LDLRAD4: variants seen among roughly 807,000 people sequenced by gnomAD.
The protein encoded by LDLRAD4 is low-density lipoprotein receptor class A domain-containing protein 4.
LDLRAD4 carries 5 observed loss-of-function variants against 17.0 expected under a neutral mutation model. The ratio of observed to expected loss-of-function variants is 0.29; its 90% confidence interval spans 0.15 to 0.62. LDLRAD4 has a LOEUF of 0.62. Ranked by LOEUF, LDLRAD4 falls within the 20% of genes least tolerant of loss-of-function variation. The pLI, the probability that LDLRAD4 is intolerant of heterozygous loss-of-function variation, is 0.84. For missense variants in LDLRAD4, 340 were observed against 424.7 expected (o/e 0.80, Z 1.75); for synonymous variants, 168 against 171.8 (o/e 0.98, Z 0.17).
chr18:13,246,513 C>T (rs925559146), intron 1 of LDLRAD4, among the ~76,000 whole-genome samples: 3 of 152,238 alleles, frequency 2.0e-5, no homozygotes, highest in African/African-American at 7.2e-5. Context: ...GCTGGCCCTC[C>T]AGCTATTGAT....
intron 3 of LDLRAD4, among the ~76,000 whole-genome samples, chr18:13,485,736 A>G (rs1012916466): frequency 6.6e-6 from 1 of 152,208 alleles, no homozygotes; most frequent in Non-Finnish European, 1.5e-5. Flanking sequence ...ACCCAGGCCT[A>G]GGAGCGGTGG....
chr18:13,272,187 C>G (rs2044596982), intron 1 of LDLRAD4, among the ~76,000 whole-genome samples: 1 of 152,198 alleles, frequency 6.6e-6, no homozygotes, highest in Admixed American at 6.5e-5. Context: ...AGCCACCACA[C>G]CTGGCCCTCA....
chr18:13,338,980 A>G (rs2082239933), intron 1 of LDLRAD4, among the ~76,000 whole-genome samples: 1 of 152,088 alleles, frequency 6.6e-6, no homozygotes, highest in South Asian at 2.1e-4. Flanking sequence ...AATGTTATGT[A>G]TTTTTGTTTA....
At chr18:13,351,345 T>A (rs1365176314) in intron 1 of LDLRAD4, among the ~76,000 whole-genome samples, 1 of 152,186 alleles carries the variant, frequency 6.6e-6, no homozygotes, top group Non-Finnish European at 1.5e-5. Flanking sequence ...GTCCTTCACA[T>A]CCCTTGTTAG....
At chr18:13,439,656 C>T (rs2090900971) in intron 3 of LDLRAD4, among the ~76,000 whole-genome samples, 1 of 152,196 alleles carries the variant, frequency 6.6e-6, no homozygotes, top group Admixed American at 6.5e-5. Flanking sequence ...TCCCCCAAGG[C>T]CCAGGATGGC....
At chr18:13,638,984 C>T (rs1255760378) in intron 4 of LDLRAD4, among the ~76,000 whole-genome samples, 1 of 152,204 alleles carries the variant, frequency 6.6e-6, no homozygotes, top group Non-Finnish European at 1.5e-5. Flanking sequence ...TGAATGGCTG[C>T]CTCCCTTTTG....
At chr18:13,495,085 T>G (rs2093440004) in intron 3 of LDLRAD4, among the ~76,000 whole-genome samples, 1 of 152,132 alleles carries the variant, frequency 6.6e-6, no homozygotes, top group Admixed American at 6.5e-5. Flanking sequence ...AATCATTGTC[T>G]GAGAAAATGA....
At chr18:13,381,914 G>C (rs1230089636) in intron 1 of LDLRAD4, among the ~76,000 whole-genome samples, 1 of 152,136 alleles carries the variant, frequency 6.6e-6, no homozygotes, top group Admixed American at 6.5e-5. Flanking sequence ...GCCCCAGTTT[G>C]CCGAGGTTTA....
Position 13,443,569 on chromosome 18 carries a change from G to A in LDLRAD4, c.181+5185G>A, listed in dbSNP as rs77437879. Among the ~76,000 whole-genome samples, 1,174 of 152,248 alleles carry A rather than the reference G, an allele frequency of 7.7e-3. 6 individuals carry two copies. Among genetic ancestry groups the A allele is most frequent in the Middle Eastern group, 0.037 (11 of 294 alleles). On this transcript the variant is annotated intron_variant, in intron 3 of 5. Coordinates refer to ENST00000359446, the Ensembl canonical transcript of LDLRAD4. ...ATAAACATGTGTTTCGGTTTGTTCT[G>A]TTTATCATTTGTTTGCACCAGGATC...
chr18:13,558,592 G>A (rs562700071), intron 3 of LDLRAD4, among the ~76,000 whole-genome samples: 2 of 152,322 alleles, frequency 1.3e-5, no homozygotes, highest in South Asian at 2.1e-4. Context: ...TAGTAGGATC[G>A]GCACATGTAT....
chr18:13,285,177 A>C (rs1429208314), intron 1 of LDLRAD4, among the ~76,000 whole-genome samples: 1 of 152,220 alleles, frequency 6.6e-6, no homozygotes, highest in Non-Finnish European at 1.5e-5. Context: ...CAGTGTTTGT[A>C]AGCCCCAGGG....
At chr18:13,602,285 C>A (rs1224459584) in intron 3 of LDLRAD4, among the ~76,000 whole-genome samples, 1 of 152,072 alleles carries the variant, frequency 6.6e-6, no homozygotes, top group East Asian at 1.9e-4. Flanking sequence ...TGTATCAAAC[C>A]TGCACATGTA....
At chr18:13,636,159 G>A (rs1385592601) in intron 4 of LDLRAD4, among the ~76,000 whole-genome samples, 6 of 152,120 alleles carry the variant, frequency 3.9e-5, no homozygotes, top group Non-Finnish European at 8.8e-5. Context: ...ATGACAAACA[G>A]CAAGGCCCAG....
chr18:13,264,589 G>A (rs971323828), intron 1 of LDLRAD4, among the ~76,000 whole-genome samples: 3 of 152,214 alleles, frequency 2.0e-5, no homozygotes, highest in Non-Finnish European at 4.4e-5. Flanking sequence ...CCTGTTTTTC[G>A]GAGTAGATGT....
chr18:13,568,115 C>T (rs866260947), intron 3 of LDLRAD4, among the ~76,000 whole-genome samples: 4 of 152,068 alleles, frequency 2.6e-5, no homozygotes, highest in South Asian at 2.1e-4. Context: ...GCCAACATGG[C>T]GAAACCTGTC....
At chr18:13,575,503 A>C (rs2094756230) in intron 3 of LDLRAD4, among the ~76,000 whole-genome samples, 1 of 152,212 alleles carries the variant, frequency 6.6e-6, no homozygotes. Context: ...ATATCTTTGC[A>C]GCTGTGAATT....
At chr18:13,615,032 G>C (rs944614711) in intron 3 of LDLRAD4, 4 of 152,502 alleles carry the variant, frequency 2.6e-5, no homozygotes, top group African/African-American at 9.7e-5. Context: ...TGGAGGTAAG[G>C]CTCTGCGGTC....
At chr18:13,229,119 G>A (rs1032116876) in intron 1 of LDLRAD4, among the ~76,000 whole-genome samples, 2 of 152,234 alleles carry the variant, frequency 1.3e-5, no homozygotes, top group African/African-American at 4.8e-5. Flanking sequence ...CACCGAGGAG[G>A]CAGCGTCCAG....
exon 2 of LDLRAD4, chr18:13,387,399 C>T (rs1002248662): frequency 1.1e-5 from 3 of 285,192 alleles, no homozygotes; most frequent in South Asian, 5.6e-5. Context: ...CGTGCAGGTG[C>T]GACCCTGCAG....
Sources: allele counts gnomAD v4.1 joint callset (sites outside exome capture counted in the v4.1 genomes callset), GRCh38; gene constraint gnomAD v4.1.1; transcripts MANE v1.5; gene names NCBI Gene and HGNC (gene_info 2026-07-23, HGNC 2026-07-21).